Variants in TRPM3 observed in about 807,000 individuals in gnomAD.
The protein encoded by TRPM3 is long transient receptor potential channel 3.
Under a neutral mutation model 181.2 loss-of-function variants are expected in TRPM3, and 77 were observed. The ratio of observed to expected loss-of-function variants is 0.42; its 90% confidence interval spans 0.35 to 0.51. TRPM3 has a LOEUF of 0.51. TRPM3 is among the 20% of genes least tolerant of loss of function. The pLI is 0.01. For missense variants in TRPM3, 1,759 were observed against 2,196.7 expected (o/e 0.80, Z 3.98); for synonymous variants, 745 against 796.4 (o/e 0.94, Z 1.09).
chr9:70,954,274 G>A (rs1302632142), intron 1 of TRPM3, among the ~76,000 whole-genome samples: 1 of 152,146 alleles, frequency 6.6e-6, no homozygotes, highest in Non-Finnish European at 1.5e-5. Context: ...AGTGGCCAGT[G>A]AAATATCCTT....
intron 22 of TRPM3, among the ~76,000 whole-genome samples, chr9:70,577,282 G>C (rs1188242147): frequency 1.3e-5 from 2 of 152,234 alleles, no homozygotes; most frequent in African/African-American, 4.8e-5. Flanking sequence ...ATAGGGGAAA[G>C]TGCAAGGCTC....
At chr9:70,918,476 G>C (rs1289961781) in intron 1 of TRPM3, among the ~76,000 whole-genome samples, 2 of 152,040 alleles carry the variant, frequency 1.3e-5, no homozygotes, top group East Asian at 1.9e-4. Flanking sequence ...GAGGAATTTT[G>C]GGATCTATAC....
intron 1 of TRPM3, among the ~76,000 whole-genome samples, chr9:71,003,395 T>C (rs2097636812): frequency 7.6e-6 from 1 of 131,142 alleles, no homozygotes. Context: ...TAAATAATTT[T>C]GTGCATATGG....
intron 1 of TRPM3, among the ~76,000 whole-genome samples, chr9:70,982,166 A>C (rs2097370326): frequency 6.6e-6 from 1 of 152,166 alleles, no homozygotes; most frequent in Non-Finnish European, 1.5e-5. Context: ...TTATTTCTCC[A>C]AGTCAGTTAT....
At chr9:70,916,490 G>A (rs1262116393) in intron 1 of TRPM3, among the ~76,000 whole-genome samples, 1 of 152,122 alleles carries the variant, frequency 6.6e-6, no homozygotes, top group Non-Finnish European at 1.5e-5. Flanking sequence ...AAGTTAAAAA[G>A]TGGGGGGCAC....
At chr9:71,400,355 C>T (rs2093313442) in intron 1 of TRPM3, among the ~76,000 whole-genome samples, 1 of 152,134 alleles carries the variant, frequency 6.6e-6, no homozygotes, top group African/African-American at 2.4e-5. Context: ...GTAATTAAAA[C>T]ATAATTGAGA....
chr9:70,992,724 T>C (rs1478848032), intron 1 of TRPM3, among the ~76,000 whole-genome samples: 2 of 152,186 alleles, frequency 1.3e-5, no homozygotes, highest in Non-Finnish European at 2.9e-5. Context: ...GTGGATACCA[T>C]ATTGACAAAG....
intron 9 of TRPM3, among the ~76,000 whole-genome samples, chr9:70,648,287 C>A (rs1396785975): frequency 6.6e-6 from 1 of 152,016 alleles, no homozygotes; most frequent in Non-Finnish European, 1.5e-5. Flanking sequence ...CCAGCCTGGG[C>A]AACATAGGGA....
chr9:70,990,191 G>A (rs2097464251), intron 1 of TRPM3, among the ~76,000 whole-genome samples: 1 of 152,142 alleles, frequency 6.6e-6, no homozygotes, highest in South Asian at 2.1e-4. Flanking sequence ...CTCAAAATCT[G>A]CTGCATGCAA....
At chr9:70,537,437 G>T (rs750582953) in intron 25 of TRPM3, 32 bp from the exon 26 acceptor site, 4 of 1,415,864 alleles carry the variant, frequency 2.8e-6, no homozygotes, top group Middle Eastern at 2.3e-4. Flanking sequence ...AGAGTCACTC[G>T]GCCTGGTTCC....
intron 1 of TRPM3, among the ~76,000 whole-genome samples, chr9:71,273,176 T>C (rs771834623): frequency 3.3e-5 from 5 of 152,172 alleles, no homozygotes; most frequent in Non-Finnish European, 7.3e-5. Context: ...TAAAGCATTT[T>C]TAATTCTCTA....
chr9:71,322,804 C>A (rs1345410285), intron 1 of TRPM3, among the ~76,000 whole-genome samples: 1 of 152,024 alleles, frequency 6.6e-6, no homozygotes, highest in Non-Finnish European at 1.5e-5. Context: ...TCTCCAGATC[C>A]CAGCATTGCC....
intron 22 of TRPM3, among the ~76,000 whole-genome samples, chr9:70,555,377 T>C (rs1588316710): frequency 6.6e-6 from 1 of 152,194 alleles, no homozygotes; most frequent in East Asian, 1.9e-4. Flanking sequence ...GCCAGTTTAT[T>C]CGTCTGTATT....
chr9:71,332,371 T>C (rs2090256655), intron 1 of TRPM3, among the ~76,000 whole-genome samples: 1 of 128,136 alleles, frequency 7.8e-6, no homozygotes, highest in African/African-American at 3.3e-5. Flanking sequence ...TGGTTTTCAA[T>C]GTTGGGTGTG....
chr9:70,533,303 T>C lies in TRPM3; in HGVS notation c.*2650A>G, dbSNP rs1294153769. 2 of 152,240 alleles carry C rather than the reference T, an allele frequency of 1.3e-5. No homozygotes were observed. Among genetic ancestry groups the C allele is most frequent in the African/African-American group, 2.4e-5 (1 of 41,460 alleles). The allele number at this position is 152,240 out of a possible 1,614,324, so 9.4% of individuals were successfully genotyped here. ...TCCTCTATAGACCCTTCAGGGAGACTTCAGCATTGTGATTGTGCTTGATAC... is the reference window on the plus strand; with the variant it reads ...TCCTCTATAGACCCTTCAGGGAGACCTCAGCATTGTGATTGTGCTTGATAC... On this transcript the variant is annotated 3_prime_UTR_variant, in exon 26 of 26. Coordinates refer to ENST00000677713, the MANE Select transcript of TRPM3 (RefSeq NM_001366145.2).
At chr9:70,929,272 G>C (rs1426921816) in intron 1 of TRPM3, among the ~76,000 whole-genome samples, 1 of 151,650 alleles carries the variant, frequency 6.6e-6, no homozygotes, top group Non-Finnish European at 1.5e-5. Flanking sequence ...TGCAATCTCA[G>C]CTCACTGCAA....
intron 12 of TRPM3, among the ~76,000 whole-genome samples, chr9:70,631,180 G>T (rs777578350): frequency 1.3e-5 from 2 of 152,194 alleles, no homozygotes; most frequent in Non-Finnish European, 2.9e-5. Context: ...CCCGGTAGGG[G>T]CTTCATCTGG....
intron 1 of TRPM3, among the ~76,000 whole-genome samples, chr9:71,022,135 C>A (rs1266865009): frequency 6.6e-6 from 1 of 152,042 alleles, no homozygotes; most frequent in Admixed American, 6.6e-5. Context: ...TACCTGGTAG[C>A]AAGTCTTACA....
chr9:70,827,983 C>T lies in TRPM3; in HGVS notation c.837G>A (p.Met279Ile). Residue 279 changes from methionine (M) to isoleucine (I), a missense_variant, in exon 6 of 26, where the codon ATG (methionine) becomes ATA (isoleucine). Around this residue, in one of 8 missense-constraint regions of TRPM3, gnomAD observed 737 missense variants for 957.4 expected, o/e 0.77. Coordinates refer to ENST00000677713, the MANE Select transcript of TRPM3 (RefSeq NM_001366145.2). ...TGCTGTTGAGAACAGTGAGCTTGCT[C>T]ATGGGATTGGACATGGTCTGGTATG... ...VRPYQTMSNP[M>I]SKLTVLNSMH... The T allele has an allele frequency of 6.2e-7, 1 of 1,613,830 alleles. No individual in the cohort carries two copies. Among genetic ancestry groups the T allele is most frequent in the Non-Finnish European group, 8.5e-7 (1 of 1,179,846 alleles).
Sources: gnomAD v4.1 joint callset for allele counts (sites outside exome capture counted in the v4.1 genomes callset) on GRCh38, gnomAD v4.1.1 for gene constraint, gnomAD v4.1.1 regional missense constraint, MANE v1.5 for transcripts, NCBI Gene and HGNC (gene_info 2026-07-23, HGNC 2026-07-21) for gene names.